The following ZNF445 variants were observed in gnomAD, a reference collection of about 807,000 sequenced individuals.
The protein encoded by ZNF445 is zinc finger protein 445, also known as zinc finger protein 168.
ZNF445 carries 19 observed loss-of-function variants against 93.9 expected under a neutral mutation model. That is an observed-to-expected ratio of 0.20 (90% confidence interval 0.14 to 0.30). The LOEUF (loss-of-function observed/expected upper bound fraction) is 0.30, where lower values mean the gene tolerates loss of function less well. Among genes scored for constraint, ZNF445 ranks in the 10% least tolerant of loss-of-function variants. ZNF445 has a pLI of 1.00. For synonymous variants in ZNF445, 449 were observed against 446.3 expected (o/e 1.01, Z -0.08); for missense variants, 1,058 against 1,259.4 (o/e 0.84, Z 2.42).
chr3:44,450,340 C>T, intron 6 of ZNF445, 107 bp downstream of exon 6: 1 of 1,434,572 alleles, frequency 7.0e-7, no homozygotes, highest in South Asian at 1.2e-5. Flanking sequence ...TCAGCAGTTA[C>T]AGAGCCAGGA....
In ZNF445 at chr3:44,447,561, T is replaced by C; in HGVS notation, c.2110A>G (p.Thr704Ala). ...CTACACTGGTAAGGTTTCTCACCTGTGTGAATTCTCTGGTGGTCAACGAGA... is the reference window on the plus strand; with the variant it reads ...CTACACTGGTAAGGTTTCTCACCTGCGTGAATTCTCTGGTGGTCAACGAGA... ...KTLVDHQRIHTGEKPYQCSDC... is the reference protein window; with the variant it reads ...KTLVDHQRIHAGEKPYQCSDC... Residue 704 changes from threonine to alanine, a missense_variant, in exon 8 of 8, where the codon ACA (threonine) becomes GCA (alanine). Physicochemically the swap from Thr to Ala is moderately conservative, Grantham distance 58. Transcript: ENST00000396077. This position sits in a 1 kb window ranked among gnomAD's most constrained non-coding sequence, Gnocchi z 4.7. 2 of 1,614,202 alleles carry C rather than the reference T, an allele frequency of 1.2e-6. No individual in the cohort carries two copies. Among genetic ancestry groups the C allele is most frequent in the Non-Finnish European group, 1.7e-6 (2 of 1,180,030 alleles).
Position 44,435,600 on chromosome 3 carries a change from GTTTGC to G in ZNF445, c.*10970_*10974del, listed in dbSNP as rs1326387813. 6.6e-6 allele frequency: 1 copy of G among 152,156 alleles called. No homozygotes were observed. Among genetic ancestry groups the G allele is most frequent in the East Asian group, 1.9e-4 (1 of 5,200 alleles). The allele number at this position is 152,156 out of a possible 1,614,324, so 9.4% of individuals were successfully genotyped here. A position where few individuals can be genotyped will look rare whatever the true frequency, so the allele number is the denominator to read the frequency against. On this transcript the variant is annotated 3_prime_UTR_variant, in exon 8 of 8. Coordinates refer to ENST00000396077, the MANE Select transcript of ZNF445 (RefSeq NM_181489.6). ...CAATCTCTCCAGGAATGTGGTATTA[GTTTGC>G]TTTAATATTTTTGTGAATGAGGCAG...
chr3:44,457,150 T>C (rs1200818168), intron 2 of ZNF445, among the ~76,000 whole-genome samples: 3 of 152,140 alleles, frequency 2.0e-5, no homozygotes, highest in Non-Finnish European at 4.4e-5. Context: ...AAAGGGACTA[T>C]CTGGAGTATA....
chr3:44,463,523 CTCTGT>C (rs1698149742), intron 1 of ZNF445, among the ~76,000 whole-genome samples: 1 of 152,200 alleles, frequency 6.6e-6, no homozygotes, highest in African/African-American at 2.4e-5. Flanking sequence ...AAATCAAACG[CTCTGT>C]TCTGTTTTGC....
rs1697891129 is a variant in ZNF445, at chr3:44,447,379, G to A, written c.2292C>T (p.Cys764=). The A allele has an allele frequency of 1.2e-6, 2 of 1,614,098 alleles. No individual in the cohort carries two copies. Among genetic ancestry groups the A allele is most frequent in the East Asian group, 2.2e-5 (1 of 44,892 alleles). ...TGCGGAAGGCCTTGCCACACTGGCTGCATTTGTAGGGCTCCTCTTTGGAGT... is the reference window on the plus strand; with the variant it reads ...TGCGGAAGGCCTTGCCACACTGGCTACATTTGTAGGGCTCCTCTTTGGAGT... ...SSHSKEEPYK[C]SQCGKAFRNH... Residue 764 remains cysteine, a synonymous_variant, in exon 8 of 8, where the codon TGC becomes TGT. Coordinates refer to ENST00000396077, the MANE Select transcript of ZNF445 (RefSeq NM_181489.6). This position sits in a 1 kb window ranked among gnomAD's most constrained non-coding sequence, Gnocchi z 4.7.
Position 44,455,261 on chromosome 3 carries a change from G to A in ZNF445, c.289C>T (p.Leu97=). The A allele has an allele frequency of 6.2e-7, 1 of 1,614,252 alleles. No individual in the cohort carries two copies. Among genetic ancestry groups the A allele is most frequent in the Non-Finnish European group, 8.5e-7 (1 of 1,180,034 alleles). Residue 97 remains leucine, a synonymous_variant, in exon 3 of 8, where the codon CTG becomes TTG. Coordinates refer to ENST00000396077, the MANE Select transcript of ZNF445 (RefSeq NM_181489.6). The part of the protein sequence containing the change: ...DVLSKAQILE[L]LVLEQFLSIL... ...CTCAGGAACTGTTCCAGCACCAGCA[G>A]CTCTAGGATCTGTGCCTTGGAGAGA...
Position 44,443,865 on chromosome 3 carries a change from A to G in ZNF445, c.*2710T>C, listed in dbSNP as rs1244452886. The G allele has an allele frequency of 6.6e-6, 1 of 152,168 alleles. No homozygotes were observed. Among genetic ancestry groups the G allele is most frequent in the Non-Finnish European group, 1.5e-5 (1 of 68,034 alleles). The allele number at this position is 152,168 out of a possible 1,614,324, so 9.4% of individuals were successfully genotyped here. ...ATTCTATAAAAATGACAGGTCAGGC[A>G]CAGTGGCTCACGCCTGTAATCCCAG... On this transcript the variant is annotated 3_prime_UTR_variant, in exon 8 of 8. Transcript: ENST00000396077.
chr3:44,460,762 T>A (rs757636856), intron 1 of ZNF445, among the ~76,000 whole-genome samples: 3 of 152,222 alleles, frequency 2.0e-5, no homozygotes, highest in Non-Finnish European at 1.5e-5. Context: ...CAGTTCTGTG[T>A]GAATTACTTT....
chr3:44,448,772 C>A (rs1243585800), intron 7 of ZNF445, 33 bp from the exon 8 acceptor site: 2 of 1,577,162 alleles, frequency 1.3e-6, no homozygotes, highest in South Asian at 2.3e-5. Context: ...AGAATGTACT[C>A]TTTTCCCATA....
chr3:44,477,087 T>C (rs533068216), intron 1 of ZNF445, among the ~76,000 whole-genome samples: 9 of 152,288 alleles, frequency 5.9e-5, no homozygotes, highest in African/African-American at 2.2e-4. Flanking sequence ...ATGTATTGTA[T>C]GGTAAATGTT....
intron 1 of ZNF445, among the ~76,000 whole-genome samples, chr3:44,463,646 C>G (rs1392739268): frequency 6.6e-6 from 1 of 152,064 alleles, no homozygotes; most frequent in Admixed American, 6.6e-5. Context: ...TAAGGGATGG[C>G]TAAGAGTAGT....
Position 44,451,316 on chromosome 3 carries a change from G to T in ZNF445, c.596C>A (p.Ser199Tyr), listed in dbSNP as rs1422737829. The T allele has an allele frequency of 6.2e-7, 1 of 1,612,620 alleles. No individual in the cohort carries two copies. Among genetic ancestry groups the T allele is most frequent in the South Asian group, 1.1e-5 (1 of 91,074 alleles). Reference protein sequence around the residue: ...IEARDFLAGQSDTPAAQMPAL... With the variant: ...IEARDFLAGQYDTPAAQMPAL... ...TCTTAAGGCCAGGCAGCAAGTACCG[G>T]ATTGCCCAGCCAGGAAGTCACGTGC... Residue 199 changes from serine to tyrosine, a missense_variant and splice_region_variant, in exon 4 of 8, where the codon TCC becomes TAC. Physicochemically the swap from Ser to Tyr is moderately radical, Grantham distance 144 (BLOSUM62 -2). This residue lies in a region of ZNF445 where 657 missense variants were observed against 746.4 expected (regional missense o/e 0.88). Transcript: ENST00000396077.
In ZNF445 at chr3:44,435,098, GCCA is replaced by G. The variant is rs1345374079; in HGVS notation, c.*11474_*11476del. On this transcript the variant is annotated 3_prime_UTR_variant, in exon 8 of 8. Coordinates refer to ENST00000396077, the MANE Select transcript of ZNF445 (RefSeq NM_181489.6). Reference sequence around the variant, plus strand: ...AACTCCACCCTCAGATCATGTTAACGCCACCATTTTCTGCACATATGTCATATG... The same window carrying G: ...AACTCCACCCTCAGATCATGTTAACGCCATTTTCTGCACATATGTCATATG... The G allele has an allele frequency of 4.6e-5, 7 of 152,014 alleles. No homozygotes were observed. In the South Asian group the frequency reaches 6.2e-4, roughly 14 times the overall value. The allele number at this position is 152,014 out of a possible 1,614,324, so 9.4% of individuals were successfully genotyped here.
rs1034936920 is a variant in ZNF445, at chr3:44,442,602, A to C, written c.*3973T>G. The C allele has an allele frequency of 1.3e-5, 2 of 152,228 alleles. No individual in the cohort carries two copies. The highest frequency in any genetic ancestry group is 6.5e-5 in the Admixed American group (1 of 15,274). The allele number at this position is 152,228 out of a possible 1,614,324, so 9.4% of individuals were successfully genotyped here. ...CTGAACAGGTGACAGAAAGACCTTC[A>C]AATACCCACTCCAGCCATCTGGCTC... On this transcript the variant is annotated 3_prime_UTR_variant, in exon 8 of 8. Transcript: ENST00000396077.
chr3:44,476,490 C>T (rs1698358007), intron 1 of ZNF445, among the ~76,000 whole-genome samples: 1 of 152,084 alleles, frequency 6.6e-6, no homozygotes, highest in African/African-American at 2.4e-5. Context: ...CGCAGACACA[C>T]ACACAACACA....
In ZNF445 at chr3:44,452,170, T is replaced by C. The variant is rs9855190; in HGVS notation, c.430-688A>G. 3.8e-3 allele frequency among the ~76,000 whole-genome samples: 580 copies of C among 152,244 alleles called. 5 individuals are homozygous for C. The highest frequency in any genetic ancestry group is 0.014 in the African/African-American group (564 of 41,546). The stretch of plus-strand genomic sequence containing the variant: ...CTCTGAGGCAAGGCTGTCCCTCACA[T>C]AGAGATGAGTACAGGAAACTACAAT... On this transcript the variant is annotated intron_variant, in intron 3 of 7. Coordinates refer to ENST00000396077, the MANE Select transcript of ZNF445 (RefSeq NM_181489.6).
At chr3:44,460,916 C>T (rs1304218321) in intron 1 of ZNF445, among the ~76,000 whole-genome samples, 3 of 152,314 alleles carry the variant, frequency 2.0e-5, no homozygotes, top group African/African-American at 7.2e-5. Context: ...CCCCCTCCAG[C>T]GATGGATCCA....
At position 44,447,273 on chromosome 3, in the gene ZNF445, T is replaced by G. The variant is rs369103534; in HGVS notation, c.2398A>C (p.Arg800=). ...TGTCGGTAGAGATTGGAACTCCATCTGAAGGCTTTCCCACACTCCCTGCAC... is the reference window on the plus strand; with the variant it reads ...TGTCGGTAGAGATTGGAACTCCATCGGAAGGCTTTCCCACACTCCCTGCAC... ...YKCRECGKAF[R]WSSNLYRHQR... is the part of the protein sequence containing the mutation. Residue 800 remains arginine (R), a synonymous_variant, in exon 8 of 8, where the codon AGA becomes CGA. Coordinates refer to ENST00000396077, the MANE Select transcript of ZNF445 (RefSeq NM_181489.6). The surrounding 1 kb of genome is among the most constrained non-coding windows in gnomAD (Gnocchi z 4.7). 2.1e-4 allele frequency: 334 copies of G among 1,614,078 alleles called. No homozygotes were observed. Among genetic ancestry groups the G allele is most frequent in the Non-Finnish European group, 2.7e-4 (318 of 1,180,034 alleles).
chr3:44,461,369 G>A lies in ZNF445; in HGVS notation c.-268-3005C>T, dbSNP rs929019414. ...AGATTTCGAGGAGGTTTCTCAGACC[G>A]AGAATAGGAGGATAGCTTGGTTAGG... On this transcript the variant is annotated intron_variant, in intron 1 of 7. Coordinates refer to ENST00000396077, the MANE Select transcript of ZNF445 (RefSeq NM_181489.6). Among the ~76,000 whole-genome samples, 4 of 124,706 alleles carry A rather than the reference G, an allele frequency of 3.2e-5. No homozygotes were observed. The South Asian group carries it at 1.3e-3, about 39-fold the overall frequency. The allele number at this position is 124,706 out of a possible 152,430, so 81.8% of individuals were successfully genotyped here. A position where few individuals can be genotyped will look rare whatever the true frequency, so the allele number is the denominator to read the frequency against.
Sources: allele counts gnomAD v4.1 joint callset (sites outside exome capture counted in the v4.1 genomes callset), GRCh38; gene constraint gnomAD v4.1.1; regional missense constraint gnomAD v4.1.1; non-coding constraint Gnocchi (gnomAD v3.1); transcripts MANE v1.5; gene names NCBI Gene and HGNC (gene_info 2026-07-23, HGNC 2026-07-21).